The following STXBP3 variants were observed in gnomAD, a reference collection of about 807,000 sequenced individuals.
STXBP3 encodes syntaxin-binding protein 3.
In STXBP3, 41 loss-of-function variants were observed where a neutral mutation model predicts 85.7. That is an observed-to-expected ratio of 0.48 (90% CI 0.37 to 0.62). The LOEUF (loss-of-function observed/expected upper bound fraction) is 0.62. STXBP3 is among the 20% of genes least tolerant of loss of function. STXBP3 has a pLI of 0.00. For synonymous variants in STXBP3, 229 were observed against 231.7 expected (o/e 0.99, Z 0.10); for missense variants, 563 against 703.1 (o/e 0.80, Z 2.25).
chr1:108,804,031 G>GTATATA (rs1342589216), intron 17 of STXBP3, among the ~76,000 whole-genome samples: 74 of 152,204 alleles, frequency 4.9e-4, no homozygotes, highest in African/African-American at 1.7e-3. Flanking sequence ...TATATTCTCT[G>GTATATA]TGCTATGTGT....
chr1:108,771,433 G>GAT (rs373102347), intron 6 of STXBP3, among the ~76,000 whole-genome samples: 1 of 83,370 alleles, frequency 1.2e-5, no homozygotes. Context: ...AAATATATAT[G>GAT]ATATATATCT....
At chr1:108,796,164 A>G (rs117235852) in intron 13 of STXBP3, 70 bp from the exon 14 acceptor site, 20,669 of 1,538,812 alleles carry the variant, frequency 0.013, 883 homozygotes, top group South Asian at 0.11. Flanking sequence ...TACCCAGCCA[A>G]TAATAGATGT....
intron 11 of STXBP3, among the ~76,000 whole-genome samples, chr1:108,791,273 C>T: frequency 6.6e-6 from 1 of 152,078 alleles, no homozygotes; most frequent in Non-Finnish European, 1.5e-5. Flanking sequence ...AATATTTTCT[C>T]TGTATCTTTG....
At chr1:108,754,138 T>G (rs1260710808) in intron 3 of STXBP3, among the ~76,000 whole-genome samples, 1 of 148,718 alleles carries the variant, frequency 6.7e-6, no homozygotes, top group East Asian at 2.0e-4. Flanking sequence ...GTTCAAACAA[T>G]CCTCCCATCT....
intron 6 of STXBP3, among the ~76,000 whole-genome samples, chr1:108,771,074 T>A (rs369447094): frequency 1.3e-5 from 2 of 152,132 alleles, no homozygotes; most frequent in African/African-American, 4.8e-5. Context: ...GGTAATGTTG[T>A]GTTTCTCTGT....
chr1:108,746,679 T>C lies in STXBP3; in HGVS notation c.-59T>C, dbSNP rs1661784637. The stretch of plus-strand genomic sequence containing the variant: ...GGCGGGGCCACCCCAACGCCGCTTC[T>C]GCGGCCAAAGTAGGTTGGGAGTGGA... On this transcript the variant is annotated 5_prime_UTR_variant, in exon 1 of 19. Coordinates refer to ENST00000370008, the MANE Select transcript of STXBP3 (RefSeq NM_007269.4). 3 of 1,543,942 alleles carry C rather than the reference T, an allele frequency of 1.9e-6. No individual in the cohort carries two copies. Among genetic ancestry groups the C allele is most frequent in the Non-Finnish European group, 2.6e-6 (3 of 1,141,754 alleles).
At position 108,750,389 on chromosome 1, in the gene STXBP3, A is replaced by G. The variant is rs78119928; in HGVS notation, c.50-1868A>G. Among the ~76,000 whole-genome samples, 1,143 of 152,290 alleles carry G rather than the reference A, an allele frequency of 7.5e-3. 12 individuals are homozygous for G. The highest frequency in any genetic ancestry group is 0.026 in the African/African-American group (1,092 of 41,552). On this transcript the variant is annotated intron_variant, in intron 1 of 18. Coordinates refer to ENST00000370008, the MANE Select transcript of STXBP3 (RefSeq NM_007269.4). ...ATTTCGGACTTTCACCATAATTCTCATATAACACTATAATCCTCCTAGCAA... is the reference window on the plus strand; with the variant it reads ...ATTTCGGACTTTCACCATAATTCTCGTATAACACTATAATCCTCCTAGCAA...
At chr1:108,776,261 A>G (rs1662590570) in intron 7 of STXBP3, 72 bp from the exon 8 acceptor site, 4 of 984,146 alleles carry the variant, frequency 4.1e-6, no homozygotes, top group Admixed American at 6.3e-5. Context: ...TAATTTTAGA[A>G]TTAAACTTCA....
intron 1 of STXBP3, among the ~76,000 whole-genome samples, chr1:108,748,795 C>T (rs1232606797): frequency 1.3e-5 from 2 of 152,092 alleles, no homozygotes; most frequent in Admixed American, 1.3e-4. Context: ...TCATGCCACT[C>T]AATTCAGCCT....
rs1446738356 is a variant in STXBP3, at chr1:108,796,460, TTAAGA to T, written c.1249+92_1249+96del. 7.3e-6 allele frequency: 9 copies of T among 1,228,716 alleles called. No individual in the cohort carries two copies. The East Asian group carries it at 2.3e-4, about 31-fold the overall frequency. 76.1% of individuals were successfully genotyped at this position (1,228,716 alleles called of 1,614,324 possible). A position where few individuals can be genotyped will look rare whatever the true frequency, so the allele number is the denominator to read the frequency against. On this transcript the variant is annotated intron_variant, in intron 14 of 18. Coordinates refer to ENST00000370008, the MANE Select transcript of STXBP3 (RefSeq NM_007269.4). ...ACTGAAAGATAGTTGCTGAACTTGG[TTAAGA>T]TAAAAGGGAAAATATGAAATCGAGA...
At chr1:108,750,463 CTCAA>C (rs1445754709) in intron 1 of STXBP3, among the ~76,000 whole-genome samples, 6 of 152,242 alleles carry the variant, frequency 3.9e-5, no homozygotes, top group Middle Eastern at 3.4e-3. Context: ...TCCAAATCTT[CTCAA>C]TCACAATACA....
intron 6 of STXBP3, 55 bp from the exon 7 acceptor site, chr1:108,772,610 A>AT: frequency 3.1e-6 from 3 of 980,626 alleles, no homozygotes; most frequent in Non-Finnish European, 2.6e-6. Context: ...ATAAATATAT[A>AT]TTTTTTTTAA....
intron 11 of STXBP3, among the ~76,000 whole-genome samples, chr1:108,788,031 A>G (rs1228664702): frequency 6.6e-6 from 1 of 151,954 alleles, no homozygotes; most frequent in Admixed American, 6.6e-5. Context: ...AGCTCAGACA[A>G]TCCTCCTGCC....
intron 8 of STXBP3, among the ~76,000 whole-genome samples, chr1:108,778,941 G>A (rs984941605): frequency 2.0e-5 from 3 of 151,976 alleles, no homozygotes; most frequent in Non-Finnish European, 4.4e-5. Context: ...TGCAAATACT[G>A]TATTTTCTAT....
chr1:108,746,850 T>C (rs1661795882), intron 1 of STXBP3, 64 bp downstream of exon 1: 2 of 1,518,564 alleles, frequency 1.3e-6, no homozygotes, highest in Non-Finnish European at 1.8e-6. Context: ...CGGGCCTCGT[T>C]TTGCAGCCCC....
chr1:108,775,713 C>T (rs1662574023), intron 7 of STXBP3, among the ~76,000 whole-genome samples: 1 of 152,080 alleles, frequency 6.6e-6, no homozygotes, highest in Non-Finnish European at 1.5e-5. Flanking sequence ...CCAGTTCCAT[C>T]CATGTTGTTG....
intron 17 of STXBP3, among the ~76,000 whole-genome samples, chr1:108,803,100 C>A (rs1464480727): frequency 6.6e-6 from 1 of 152,144 alleles, no homozygotes; most frequent in African/African-American, 2.4e-5. Flanking sequence ...GAGGACTTTT[C>A]TTTACTTTTG....
rs1487501714 is a variant in STXBP3, at chr1:108,772,658, A to T, written c.439-7A>T. 33 of 1,395,084 alleles carry T rather than the reference A, an allele frequency of 2.4e-5. No individual in the cohort carries two copies. Among genetic ancestry groups the T allele is most frequent in the Non-Finnish European group, 2.9e-5 (31 of 1,064,970 alleles). The allele number at this position is 1,395,084 out of a possible 1,614,324, so 86.4% of individuals were successfully genotyped here. ...GATTAACAGTGAGTTTTTTTGTCTTAACTTAGGTGTATACTCTTGATGTAC... is the reference window on the plus strand; with the variant it reads ...GATTAACAGTGAGTTTTTTTGTCTTTACTTAGGTGTATACTCTTGATGTAC... On this transcript the variant is annotated splice_polypyrimidine_tract_variant and splice_region_variant and intron_variant, in intron 6 of 18. Coordinates refer to ENST00000370008, the MANE Select transcript of STXBP3 (RefSeq NM_007269.4).
Position 108,799,584 on chromosome 1 carries a change from C to T in STXBP3, c.1450-636C>T, listed in dbSNP as rs1002871424. On this transcript the variant is annotated intron_variant, in intron 16 of 18. Transcript: ENST00000370008. The stretch of plus-strand genomic sequence containing the variant: ...ACTTTGTGCCCAATCCATGTGCCCA[C>T]TTGTTAATACTACTTGTACTACCAT... Among the ~76,000 whole-genome samples the T allele has an allele frequency of 2.8e-4, 43 of 152,138 alleles. 2 individuals are homozygous for T. The highest frequency in any genetic ancestry group is 4.4e-5 in the Non-Finnish European group (3 of 68,030).
Sources: allele counts gnomAD v4.1 joint callset (sites outside exome capture counted in the v4.1 genomes callset), GRCh38; gene constraint gnomAD v4.1.1; transcripts MANE v1.5; gene names NCBI Gene and HGNC (gene_info 2026-07-23, HGNC 2026-07-21).